TENM3: variants seen among roughly 807,000 people sequenced by gnomAD.
TENM3 encodes the protein teneurin transmembrane protein 3, also known as teneurin-3.
Under a neutral mutation model 255.1 loss-of-function variants are expected in TENM3, and 63 were observed. The observed-to-expected ratio is 0.25, with a 90% CI of 0.20 to 0.30. TENM3 has a LOEUF of 0.30. Among genes scored for constraint, TENM3 ranks in the 10% least tolerant of loss-of-function variants. The pLI, the probability that TENM3 is intolerant of heterozygous loss-of-function variation, is 1.00. For synonymous variants in TENM3, 1,306 were observed against 1,322.3 expected, an observed-to-expected ratio of 0.99 and a Z score of 0.27; for missense variants, 2,929 against 3,461.1, an observed-to-expected ratio of 0.85 and a Z score of 3.86.
the TENM3 span, among the ~76,000 whole-genome samples, chr4:181,607,227 C>T: frequency 6.6e-6 from 1 of 152,114 alleles, no homozygotes; most frequent in Non-Finnish European, 1.5e-5. Context: ...GCCACTCTTC[C>T]CTTGGAGCAG....
the TENM3 span, among the ~76,000 whole-genome samples, chr4:181,704,035 C>T: frequency 6.6e-6 from 1 of 152,318 alleles, no homozygotes; most frequent in South Asian, 2.1e-4. Flanking sequence ...GTACCAACTT[C>T]TGCAATGAGG....
Position 182,703,412 on chromosome 4 carries a change from T to C in TENM3, c.2222-10675T>C, listed in dbSNP as rs141828381. On this transcript the variant is annotated intron_variant, in intron 12 of 27. Transcript: ENST00000511685. Reference sequence around the variant, plus strand: ...GCTATTGAACACTCTACCCACTTCCTTTCAAAATTTAAATTAATGTCCTGT... The same window carrying C: ...GCTATTGAACACTCTACCCACTTCCCTTCAAAATTTAAATTAATGTCCTGT... Among the ~76,000 whole-genome samples the C allele has an allele frequency of 3.2e-4, 48 of 152,364 alleles. No homozygotes were observed. In the East Asian group the frequency reaches 9.1e-3, roughly 29 times the overall value.
chr4:182,306,205 T>A (rs964402294), intron 1 of TENM3, among the ~76,000 whole-genome samples: 1 of 151,210 alleles, frequency 6.6e-6, no homozygotes, highest in Admixed American at 6.6e-5. Context: ...TTTTTTTTTC[T>A]TTTTTTTTGA....
the TENM3 span, among the ~76,000 whole-genome samples, chr4:182,034,341 T>A: frequency 2.0e-5 from 3 of 152,176 alleles, no homozygotes; most frequent in Non-Finnish European, 2.9e-5. Flanking sequence ...ATATCCAGCT[T>A]GCCATTCTGT....
the TENM3 span, among the ~76,000 whole-genome samples, chr4:181,809,086 T>A: frequency 6.6e-6 from 1 of 152,180 alleles, no homozygotes; most frequent in South Asian, 2.1e-4. Context: ...GACATTTGAG[T>A]CTTTTAACTG....
intron 1 of TENM3, among the ~76,000 whole-genome samples, chr4:182,273,630 A>G (rs17090668): frequency 0.27 from 41,768 of 152,120 alleles, 7,886 homozygotes; most frequent in African/African-American, 0.54. Context: ...AGAGGAAAAT[A>G]TGTACATTCT....
the TENM3 span, among the ~76,000 whole-genome samples, chr4:181,828,329 T>C: frequency 1.3e-5 from 2 of 152,232 alleles, no homozygotes; most frequent in African/African-American, 2.4e-5. Context: ...GCCCCTTTGC[T>C]TTTCTCTGGG....
chr4:182,217,473 C>T (rs117850758), intron 1 of TENM3, among the ~76,000 whole-genome samples: 1 of 152,226 alleles, frequency 6.6e-6, no homozygotes, highest in East Asian at 1.9e-4. Context: ...TGAATGAACC[C>T]CTCGCCTAAC....
chr4:182,766,110 G>A (rs1006361765), intron 22 of TENM3, among the ~76,000 whole-genome samples: 5 of 152,300 alleles, frequency 3.3e-5, no homozygotes, highest in African/African-American at 1.2e-4. Context: ...CTCAGTGCCA[G>A]GGTGTGGGGT....
At chr4:182,267,219 G>A (rs1235329706) in intron 1 of TENM3, among the ~76,000 whole-genome samples, 1 of 152,126 alleles carries the variant, frequency 6.6e-6, no homozygotes, top group Non-Finnish European at 1.5e-5. Context: ...GCTTTTAACA[G>A]TTGAGTGTAT....
intron 1 of TENM3, among the ~76,000 whole-genome samples, chr4:182,302,616 A>G (rs1278762907): frequency 2.0e-5 from 3 of 152,216 alleles, no homozygotes; most frequent in African/African-American, 7.2e-5. Flanking sequence ...AACAGAAGAT[A>G]TAAAACTTGA....
chr4:181,853,113 A>G, the TENM3 span, among the ~76,000 whole-genome samples: 2 of 152,236 alleles, frequency 1.3e-5, no homozygotes, highest in African/African-American at 2.4e-5. Context: ...AGTTTTATCT[A>G]CTTACTTTTT....
At chr4:182,315,448 G>T (rs1382499429) in intron 1 of TENM3, among the ~76,000 whole-genome samples, 1 of 151,332 alleles carries the variant, frequency 6.6e-6, no homozygotes, top group Non-Finnish European at 1.5e-5. Flanking sequence ...TTGTCATTTA[G>T]CTTACATTAT....
At chr4:181,916,598 G>A in the TENM3 span, among the ~76,000 whole-genome samples, 1 of 152,124 alleles carries the variant, frequency 6.6e-6, no homozygotes, top group Non-Finnish European at 1.5e-5. Flanking sequence ...GTAGAAGCAG[G>A]CCAGGCATGG....
At chr4:182,352,870 G>T (rs957318745) in intron 3 of TENM3, among the ~76,000 whole-genome samples, 1 of 152,026 alleles carries the variant, frequency 6.6e-6, no homozygotes, top group Non-Finnish European at 1.5e-5. Context: ...TTGCAATCCA[G>T]ATTTTCTTGT....
the TENM3 span, among the ~76,000 whole-genome samples, chr4:181,844,485 G>A: frequency 1.8e-4 from 27 of 151,842 alleles, no homozygotes; most frequent in Non-Finnish European, 2.9e-4. Flanking sequence ...TGGCTAACAC[G>A]GTGAAACCCC....
At position 182,574,627 on chromosome 4, in the gene TENM3, G is replaced by A. The variant is rs188871237; in HGVS notation, c.512-26297G>A. Among the ~76,000 whole-genome samples the A allele has an allele frequency of 1.2e-3, 179 of 152,176 alleles. 2 individuals are homozygous for A. Among genetic ancestry groups the A allele is most frequent in the African/African-American group, 4.1e-3 (171 of 41,542 alleles). The stretch of plus-strand genomic sequence containing the variant: ...GGCCTTTCTGACAGTCATTTCAAGT[G>A]ACAGAGCTTTCATTTTAAATGGCAA... On this transcript the variant is annotated intron_variant, in intron 3 of 27. Coordinates refer to ENST00000511685, the MANE Select transcript of TENM3 (RefSeq NM_001080477.4).
chr4:182,096,533 T>C, the TENM3 span, among the ~76,000 whole-genome samples: 1 of 152,184 alleles, frequency 6.6e-6, no homozygotes, highest in South Asian at 2.1e-4. Flanking sequence ...CACAAATGAA[T>C]GAGTATATAT....
chr4:181,990,580 C>G, the TENM3 span, among the ~76,000 whole-genome samples: 1 of 151,940 alleles, frequency 6.6e-6, no homozygotes, highest in Non-Finnish European at 1.5e-5. Flanking sequence ...ATATGGAGCC[C>G]CTCTAAACCC....
Sources: allele counts gnomAD v4.1 joint callset (sites outside exome capture counted in the v4.1 genomes callset), GRCh38; gene constraint gnomAD v4.1.1; transcripts MANE v1.5; gene names NCBI Gene and HGNC (gene_info 2026-07-23, HGNC 2026-07-21).